VSTM4: variants seen among roughly 807,000 people sequenced by gnomAD.
VSTM4 encodes V-set and transmembrane domain-containing protein 4.
Under a neutral mutation model 36.4 loss-of-function variants are expected in VSTM4, and 20 were observed. That is an observed-to-expected ratio of 0.55 (90% CI 0.39 to 0.80). VSTM4 has a LOEUF of 0.80. VSTM4 is among the 30% of genes least tolerant of loss of function. The probability of loss-of-function intolerance (pLI) is 0.00; values close to 1 mark genes in which losing one functional copy is unlikely to be tolerated. For synonymous variants in VSTM4, 182 were observed against 173.9 expected, an observed-to-expected ratio of 1.05 and a Z score of -0.37; for missense variants, 392 against 404.5, an observed-to-expected ratio of 0.97 and a Z score of 0.26.
intron 2 of VSTM4, among the ~76,000 whole-genome samples, chr10:49,093,112 G>A (rs544534940): frequency 6.6e-6 from 1 of 152,272 alleles, no homozygotes; most frequent in South Asian, 2.1e-4. Context: ...ACGAACCCGG[G>A]ATACAGAAAG....
intron 7 of VSTM4, among the ~76,000 whole-genome samples, chr10:49,025,655 C>T (rs1297161125): frequency 1.3e-5 from 2 of 152,228 alleles, no homozygotes; most frequent in Non-Finnish European, 2.9e-5. Flanking sequence ...ATGAAGGGCA[C>T]CTGGCTCCAG....
At chr10:49,024,824 T>C (rs1246512340) in intron 7 of VSTM4, among the ~76,000 whole-genome samples, 2 of 152,188 alleles carry the variant, frequency 1.3e-5, no homozygotes, top group Admixed American at 1.3e-4. Flanking sequence ...GGGTATCTTT[T>C]GACAGGTAAG....
rs1843233066 is a variant in VSTM4, at chr10:49,024,811, C to T, written c.838-5036G>A. ...ACAAGAACTTTGTGAACTAAGTAGC[C>T]CTGGGTATCTTTTGACAGGTAAGGA... On this transcript the variant is annotated intron_variant, in intron 7 of 7. Transcript: ENST00000332853. Among the ~76,000 whole-genome samples, 3 of 152,152 alleles carry T rather than the reference C, an allele frequency of 2.0e-5. 1 individual carries two copies. In the South Asian group the frequency reaches 6.2e-4, roughly 32 times the overall value.
chr10:49,086,319 C>G (rs1213028200), intron 2 of VSTM4, among the ~76,000 whole-genome samples: 7 of 152,150 alleles, frequency 4.6e-5, no homozygotes, highest in Admixed American at 4.6e-4. Flanking sequence ...CAGTGGCAAA[C>G]CCAATAATTA....
intron 3 of VSTM4, among the ~76,000 whole-genome samples, chr10:49,082,022 T>C (rs893746394): frequency 1.3e-5 from 2 of 152,192 alleles, no homozygotes; most frequent in African/African-American, 4.8e-5. Context: ...CCCCCCTCCC[T>C]GGCTGTTCTC....
intron 2 of VSTM4, among the ~76,000 whole-genome samples, chr10:49,093,431 A>G (rs945840783): frequency 6.6e-6 from 1 of 152,242 alleles, no homozygotes; most frequent in African/African-American, 2.4e-5. Context: ...GCATGTCTCA[A>G]TGTAGAAAAT....
chr10:49,099,177 G>T (rs1363486158), intron 2 of VSTM4, among the ~76,000 whole-genome samples: 5 of 152,182 alleles, frequency 3.3e-5, no homozygotes, highest in Non-Finnish European at 1.5e-5. Context: ...GGGGCTCCAG[G>T]TCGATTTGTA....
chr10:49,075,908 C>T (rs1436188577), intron 4 of VSTM4, among the ~76,000 whole-genome samples: 1 of 152,158 alleles, frequency 6.6e-6, no homozygotes, highest in East Asian at 1.9e-4. Flanking sequence ...AGTGTACCAT[C>T]CTGGCTCCCT....
intron 5 of VSTM4, among the ~76,000 whole-genome samples, chr10:49,059,734 T>C (rs61850692): frequency 0.16 from 24,605 of 152,194 alleles, 2,566 homozygotes; most frequent in Middle Eastern, 0.24. Flanking sequence ...TATTGAAGCA[T>C]AGTTGACGTA....
At chr10:49,111,695 C>CTCCAGCT (rs2132032006) in intron 1 of VSTM4, among the ~76,000 whole-genome samples, 1 of 152,320 alleles carries the variant, frequency 6.6e-6, no homozygotes, top group African/African-American at 2.4e-5. Context: ...TTCCTGCTTC[C>CTCCAGCT]TCCAGCTTAA....
intron 5 of VSTM4, among the ~76,000 whole-genome samples, chr10:49,059,372 C>G (rs954323466): frequency 6.6e-6 from 1 of 152,176 alleles, no homozygotes; most frequent in Non-Finnish European, 1.5e-5. Flanking sequence ...AGCCTTTCAA[C>G]AAGATTCTGC....
chr10:49,110,096 C>T (rs12240534), intron 1 of VSTM4, among the ~76,000 whole-genome samples: 62,690 of 152,134 alleles, frequency 0.41, 13,866 homozygotes, highest in African/African-American at 0.58. Context: ...AGCTGGCTTC[C>T]AGAACTGAAG....
intron 2 of VSTM4, chr10:49,103,755 A>T: frequency 1.2e-6 from 2 of 1,613,976 alleles, no homozygotes; most frequent in Non-Finnish European, 1.7e-6. Flanking sequence ...AGAACTCTGC[A>T]GGAAGGAGGC....
intron 7 of VSTM4, among the ~76,000 whole-genome samples, chr10:49,031,430 A>G (rs12764062): frequency 0.17 from 25,848 of 152,240 alleles, 2,414 homozygotes; most frequent in South Asian, 0.36. Context: ...AGTAAATGCT[A>G]TACAAGTGTT....
At chr10:49,060,416 C>T (rs1366667559) in intron 5 of VSTM4, among the ~76,000 whole-genome samples, 2 of 152,166 alleles carry the variant, frequency 1.3e-5, no homozygotes, top group Non-Finnish European at 2.9e-5. Context: ...ATAGTGATAT[C>T]ACCTGTGGTT....
At chr10:49,028,158 A>T (rs982460837) in intron 7 of VSTM4, among the ~76,000 whole-genome samples, 1 of 152,116 alleles carries the variant, frequency 6.6e-6, no homozygotes, top group Non-Finnish European at 1.5e-5. Flanking sequence ...GAACTTTCCC[A>T]TCCTAGACTT....
At chr10:49,030,343 A>C (rs1029638045) in intron 7 of VSTM4, among the ~76,000 whole-genome samples, 2 of 152,132 alleles carry the variant, frequency 1.3e-5, no homozygotes, top group African/African-American at 4.8e-5. Context: ...GTGACTGCTG[A>C]CTTAGGTGTG....
At chr10:49,057,573 C>G (rs535617815) in intron 5 of VSTM4, among the ~76,000 whole-genome samples, 42 of 152,294 alleles carry the variant, frequency 2.8e-4, no homozygotes, top group Non-Finnish European at 4.4e-5. Flanking sequence ...ATTCTTTATG[C>G]CAGGAACCAC....
intron 7 of VSTM4, among the ~76,000 whole-genome samples, chr10:49,020,639 G>C: frequency 6.7e-6 from 1 of 150,308 alleles, no homozygotes; most frequent in East Asian, 1.9e-4. Context: ...CAGAAAAATA[G>C]AAATTATAAA....
Sources: gnomAD v4.1 joint callset for allele counts (sites outside exome capture counted in the v4.1 genomes callset) on GRCh38, gnomAD v4.1.1 for gene constraint, MANE v1.5 for transcripts, NCBI Gene and HGNC (gene_info 2026-07-23, HGNC 2026-07-21) for gene names.